Variants in ZNF608 observed in about 807,000 individuals in gnomAD.
ZNF608 encodes renal carcinoma antigen NY-REN-36.
A neutral mutation model predicts 109.0 loss-of-function variants in ZNF608; 12 were observed. The observed-to-expected ratio is 0.11, with a 90% CI of 0.07 to 0.18. ZNF608 has a LOEUF of 0.18. Among genes scored for constraint, ZNF608 ranks in the 10% least tolerant of loss-of-function variants. ZNF608 has a pLI of 1.00. For synonymous variants in ZNF608, 732 were observed against 717.4 expected, an observed-to-expected ratio of 1.02 and a Z score of -0.33; for missense variants, 1,707 against 1,879.3, an observed-to-expected ratio of 0.91 and a Z score of 1.70.
At chr5:124,698,411 T>A (rs563254889) in intron 3 of ZNF608, among the ~76,000 whole-genome samples, 2 of 152,342 alleles carry the variant, frequency 1.3e-5, no homozygotes, top group South Asian at 4.1e-4. Flanking sequence ...TCAGCAAGAA[T>A]AACTCTATTA....
At chr5:124,734,199 G>A (rs1459938342) in intron 2 of ZNF608, among the ~76,000 whole-genome samples, 1 of 151,988 alleles carries the variant, frequency 6.6e-6, no homozygotes, top group Non-Finnish European at 1.5e-5. Flanking sequence ...ACTATAAAAG[G>A]CACCAGTAAA....
rs947354739 is a variant in ZNF608, at chr5:124,637,875, A to G, written c.*25T>C. On this transcript the variant is annotated 3_prime_UTR_variant, in exon 10 of 10. Coordinates refer to ENST00000513986, the MANE Select transcript of ZNF608 (RefSeq NM_020747.3). ...GCGCTTCCCCATGTGATCCAGTCAC[A>G]TGACAATGTACATGTCCAATCTTGT... 9.3e-6 allele frequency: 15 copies of G among 1,607,294 alleles called. No individual in the cohort carries two copies. Among genetic ancestry groups the G allele is most frequent in the Non-Finnish European group, 1.3e-5 (15 of 1,177,132 alleles).
rs1329503766 is a variant in ZNF608, at chr5:124,644,297, G to T, written c.4070C>A (p.Pro1357His). Residue 1357 changes from proline (P) to histidine (H), a missense_variant, in exon 6 of 10, where the codon CCC becomes CAC. This residue lies in a region of ZNF608 where 1,073 missense variants were observed against 1,133.5 expected (regional missense o/e 0.95). Coordinates refer to ENST00000513986, the MANE Select transcript of ZNF608 (RefSeq NM_020747.3). ...AACAGCCCGGTATGCAGGATGGCTG[G>T]GGTCGTACATCTGTGGGTAAGGATA... ...HAYPYPQMYD[P>H]SHPAYRAVSP... 1 of 1,613,784 alleles carries T rather than the reference G, an allele frequency of 6.2e-7. No homozygotes were observed. The highest frequency in any genetic ancestry group is 2.2e-5 in the East Asian group (1 of 44,878).
rs186193566 is a variant in ZNF608 at position 124,718,834 on chromosome 5, G to A, written c.907-17565C>T. Among the ~76,000 whole-genome samples, 19 of 152,310 alleles carry A rather than the reference G, an allele frequency of 1.2e-4. No individual in the cohort carries two copies. In the East Asian group the frequency reaches 3.7e-3, roughly 29 times the overall value. On this transcript the variant is annotated intron_variant, in intron 2 of 9. Coordinates refer to ENST00000513986, the MANE Select transcript of ZNF608 (RefSeq NM_020747.3). ...CTATTTGGTGAATAAAGACAGGCAA[G>A]CCTTCTCCATGTCCCTTTTTAATGC...
chr5:124,647,948 C>A lies in ZNF608; in HGVS notation c.2436G>T (p.Lys812Asn), dbSNP rs777609046. ...CCTTTAGCTTTCGCTTCTCCTTTTT[C>A]TTTTTGTCTTTGAGTGACACCAGAG... ...NPALVSLKDKKKKEKRKLKDK... is the reference protein window; with the variant it reads ...NPALVSLKDKNKKEKRKLKDK... Residue 812 changes from lysine (K) to asparagine (N), a missense_variant, in exon 5 of 10, where the codon AAG (lysine) becomes AAT (asparagine). Lys to Asn is a moderately conservative substitution (Grantham distance 94). Around this residue, in one of 7 missense-constraint regions of ZNF608, gnomAD observed 1,073 missense variants for 1,133.5 expected, o/e 0.95. Transcript: ENST00000513986. The A allele has an allele frequency of 6.2e-7, 1 of 1,613,924 alleles. No homozygotes were observed. The highest frequency in any genetic ancestry group is 1.3e-5 in the African/African-American group (1 of 74,882).
Position 124,649,657 on chromosome 5 carries a change from G to A in ZNF608, c.1203C>T (p.Tyr401=), listed in dbSNP as rs767478518. The change falls in exon 4 of 10, where the codon TAC becomes TAT. Residue 401 remains tyrosine, a synonymous_variant. Coordinates refer to ENST00000513986, the MANE Select transcript of ZNF608 (RefSeq NM_020747.3). ...VVNVTWRNKT[Y]VGTLLDCTKH... ...TGGTGCAGTCCAGTAGGGTTCCCAC[G>A]TACGTTTTGTTCCTCCACGTGACAT... 8.1e-6 allele frequency: 13 copies of A among 1,610,150 alleles called. No individual in the cohort carries two copies. Among genetic ancestry groups the A allele is most frequent in the South Asian group, 5.5e-5 (5 of 90,712 alleles).
chr5:124,710,769 C>T (rs943856818), intron 2 of ZNF608: 12 of 153,610 alleles, frequency 7.8e-5, no homozygotes, highest in African/African-American at 2.9e-4. Flanking sequence ...AGTTAAGCAA[C>T]TGGGTAAAGC....
intron 3 of ZNF608, among the ~76,000 whole-genome samples, chr5:124,651,817 G>C (rs1431003132): frequency 6.6e-6 from 1 of 152,270 alleles, no homozygotes; most frequent in Non-Finnish European, 1.5e-5. Flanking sequence ...CGGTCGGGTA[G>C]AGGTGAGCGT....
chr5:124,716,015 C>T (rs551163890), intron 2 of ZNF608, among the ~76,000 whole-genome samples: 2 of 151,748 alleles, frequency 1.3e-5, no homozygotes, highest in Non-Finnish European at 2.9e-5. Context: ...TGGTGGCGGG[C>T]ACCTGTAGTC....
chr5:124,644,894 G>A (rs1475106426), intron 5 of ZNF608, among the ~76,000 whole-genome samples: 1 of 152,164 alleles, frequency 6.6e-6, no homozygotes, highest in Non-Finnish European at 1.5e-5. Flanking sequence ...TAAAACCAAA[G>A]TGTTTAAAGT....
chr5:124,666,286 A>G (rs988589337), intron 3 of ZNF608: 6 of 152,270 alleles, frequency 3.9e-5, no homozygotes, highest in African/African-American at 1.4e-4. Flanking sequence ...TGGAAAATTC[A>G]GATGATGTTT....
At chr5:124,697,316 T>A (rs898570200) in intron 3 of ZNF608, among the ~76,000 whole-genome samples, 5 of 151,492 alleles carry the variant, frequency 3.3e-5, no homozygotes, top group Admixed American at 6.6e-5. Context: ...GTTCAGCACA[T>A]ATGTATTTAC....
At chr5:124,731,241 C>T (rs1229211621) in intron 2 of ZNF608, among the ~76,000 whole-genome samples, 2 of 152,148 alleles carry the variant, frequency 1.3e-5, no homozygotes, top group African/African-American at 2.4e-5. Flanking sequence ...GACGGAGTCT[C>T]GCTCTGTGGC....
At chr5:124,704,039 T>C (rs138777669) in intron 2 of ZNF608, among the ~76,000 whole-genome samples, 1,632 of 152,244 alleles carry the variant, frequency 0.011, 36 homozygotes, top group African/African-American at 0.037. Context: ...TTTGTTACCA[T>C]TAACACAATT....
chr5:124,739,352 T>A (rs1478567872), intron 2 of ZNF608, among the ~76,000 whole-genome samples: 1 of 152,172 alleles, frequency 6.6e-6, no homozygotes, highest in African/African-American at 2.4e-5. Context: ...TTATCAACAA[T>A]CCTAGATTAC....
chr5:124,673,638 T>C (rs983991272), intron 3 of ZNF608, among the ~76,000 whole-genome samples: 11 of 152,196 alleles, frequency 7.2e-5, no homozygotes, highest in Admixed American at 5.2e-4. Flanking sequence ...ACAAAAATCA[T>C]GAAAACAAAA....
At chr5:124,643,789 G>A in intron 6 of ZNF608, 106 bp from the exon 7 acceptor site, 2 of 1,130,494 alleles carry the variant, frequency 1.8e-6, no homozygotes, top group Non-Finnish European at 2.5e-6. Flanking sequence ...TCTTAAAATA[G>A]GGGGTTACAT....
intron 3 of ZNF608, among the ~76,000 whole-genome samples, chr5:124,662,245 C>T (rs1267134918): frequency 1.3e-5 from 2 of 152,222 alleles, no homozygotes; most frequent in African/African-American, 4.8e-5. Context: ...CTGAAGTTGG[C>T]TCTGACTTCT....
chr5:124,676,906 A>G (rs1751968023), intron 3 of ZNF608, among the ~76,000 whole-genome samples: 1 of 152,244 alleles, frequency 6.6e-6, no homozygotes, highest in African/African-American at 2.4e-5. Context: ...TAAAAACCAC[A>G]AAATTCAGGA....
Sources: allele counts gnomAD v4.1 joint callset (sites outside exome capture counted in the v4.1 genomes callset), GRCh38; gene constraint gnomAD v4.1.1; regional missense constraint gnomAD v4.1.1; transcripts MANE v1.5; gene names NCBI Gene and HGNC (gene_info 2026-07-23, HGNC 2026-07-21).